The following R3HCC1L variants were observed in gnomAD, a reference collection of about 807,000 sequenced individuals.
R3HCC1L encodes R3H domain and coiled-coil containing 1 like.
Under a neutral mutation model 59.9 loss-of-function variants are expected in R3HCC1L, and 51 were observed. That is an observed-to-expected ratio of 0.85 (90% CI 0.68 to 1.07). The LOEUF (loss-of-function observed/expected upper bound fraction) is 1.07. R3HCC1L is among the 50% of genes least tolerant of loss of function. The pLI is 0.00. For synonymous variants in R3HCC1L, 322 were observed against 315.2 expected, an observed-to-expected ratio of 1.02 and a Z score of -0.23; for missense variants, 965 against 933.0, an observed-to-expected ratio of 1.03 and a Z score of -0.45.
At chr10:98,174,657 G>A in intron 4 of R3HCC1L, 2 of 985,250 alleles carry the variant, frequency 2.0e-6, no homozygotes. Context: ...GTTGGAAGGA[G>A]CAGACAATGA....
At chr10:98,219,819 G>T (rs907405672) in intron 5 of R3HCC1L, among the ~76,000 whole-genome samples, 1 of 152,036 alleles carries the variant, frequency 6.6e-6, no homozygotes, top group Non-Finnish European at 1.5e-5. Flanking sequence ...TAGAATTCTT[G>T]GTCTTTGACT....
At chr10:98,198,400 T>G (rs961669955) in intron 4 of R3HCC1L, among the ~76,000 whole-genome samples, 6 of 152,120 alleles carry the variant, frequency 3.9e-5, no homozygotes, top group Non-Finnish European at 8.8e-5. Context: ...TCTCTTAGTT[T>G]TGCCAGTTTG....
At chr10:98,167,998 G>A (rs1848124521) in intron 4 of R3HCC1L, among the ~76,000 whole-genome samples, 1 of 152,118 alleles carries the variant, frequency 6.6e-6, no homozygotes, top group Non-Finnish European at 1.5e-5. Context: ...ATCCATTTGA[G>A]CTCCTTTATT....
intron 1 of R3HCC1L, among the ~76,000 whole-genome samples, chr10:98,140,069 G>A (rs556691006): frequency 6.6e-6 from 1 of 151,964 alleles, no homozygotes; most frequent in Non-Finnish European, 1.5e-5. Context: ...CAAAAGGTGT[G>A]TAGCACTCCT....
chr10:98,199,761 A>G lies in R3HCC1L; in HGVS notation c.-14-8340A>G, dbSNP rs573374573. Reference sequence around the variant, plus strand: ...AAACGACTTGTTAGGGACAGTATTCAGAAATGAAAACATTTTACTATATGT... The same window carrying G: ...AAACGACTTGTTAGGGACAGTATTCGGAAATGAAAACATTTTACTATATGT... On this transcript the variant is annotated intron_variant, in intron 4 of 9. Coordinates refer to ENST00000298999, the MANE Select transcript of R3HCC1L (RefSeq NM_001351015.2). Among the ~76,000 whole-genome samples, 3 of 152,200 alleles carry G rather than the reference A, an allele frequency of 2.0e-5. No individual in the cohort carries two copies. In the South Asian group the frequency reaches 6.2e-4, roughly 32 times the overall value.
At chr10:98,160,380 A>G (rs1469641684) in intron 2 of R3HCC1L, among the ~76,000 whole-genome samples, 1 of 152,256 alleles carries the variant, frequency 6.6e-6, no homozygotes, top group Non-Finnish European at 1.5e-5. Context: ...TCTCACTGAT[A>G]TTTTAATAAT....
intron 4 of R3HCC1L, among the ~76,000 whole-genome samples, chr10:98,206,166 A>G (rs1852620730): frequency 6.6e-6 from 1 of 152,064 alleles, no homozygotes; most frequent in East Asian, 1.9e-4. Flanking sequence ...ACATTGTATG[A>G]CATATTTTCT....
intron 4 of R3HCC1L, among the ~76,000 whole-genome samples, chr10:98,184,427 A>C (rs1362041375): frequency 2.0e-5 from 3 of 152,130 alleles, no homozygotes; most frequent in Non-Finnish European, 4.4e-5. Context: ...ACAGTTGCCT[A>C]CAGTATTCAG....
intron 4 of R3HCC1L, 36 bp downstream of exon 4, chr10:98,163,433 T>C: frequency 8.5e-7 from 1 of 1,182,412 alleles, no homozygotes; most frequent in Non-Finnish European, 1.1e-6. Context: ...TTTATAGAAA[T>C]ACTGTCTGTT....
intron 4 of R3HCC1L, among the ~76,000 whole-genome samples, chr10:98,183,038 G>A (rs1047644913): frequency 5.9e-5 from 9 of 151,996 alleles, no homozygotes; most frequent in Non-Finnish European, 8.8e-5. Context: ...ACCCTCTGTC[G>A]GCTGCACCCA....
chr10:98,142,705 C>T (rs150240806), intron 1 of R3HCC1L, among the ~76,000 whole-genome samples: 340 of 151,866 alleles, frequency 2.2e-3, no homozygotes, highest in African/African-American at 7.6e-3. Flanking sequence ...GAGGCTGAGG[C>T]GGGCAGATAA....
chr10:98,207,782 A>G (rs936844292), intron 4 of R3HCC1L, among the ~76,000 whole-genome samples: 1 of 152,040 alleles, frequency 6.6e-6, no homozygotes, highest in African/African-American at 2.4e-5. Context: ...AGGTGGGTAG[A>G]TTGCCTTAAG....
At chr10:98,167,010 A>G (rs1466416498) in intron 4 of R3HCC1L, among the ~76,000 whole-genome samples, 1 of 152,044 alleles carries the variant, frequency 6.6e-6, no homozygotes, top group Non-Finnish European at 1.5e-5. Context: ...TCAATACAAT[A>G]TGTGCACTTA....
At position 98,208,335 on chromosome 10, in the gene R3HCC1L, A is replaced by G; in HGVS notation, c.221A>G (p.Asn74Ser). The change falls in exon 5 of 10, where the codon AAT becomes AGT. Residue 74 changes from asparagine (N) to serine (S), a missense_variant. Asn to Ser is a conservative substitution (Grantham distance 46). Coordinates refer to ENST00000298999, the MANE Select transcript of R3HCC1L (RefSeq NM_001351015.2). Reference sequence around the variant, plus strand: ...CCGGAGGCTCGAAGACTAAATATCAATCCTGATAGAAAGGAGCATAATTGT... The same window carrying G: ...CCGGAGGCTCGAAGACTAAATATCAGTCCTGATAGAAAGGAGCATAATTGT... Reference protein sequence around the residue: ...DKPEARRLNINPDRKEHNCRE... With the variant: ...DKPEARRLNISPDRKEHNCRE... 1.9e-6 allele frequency: 3 copies of G among 1,614,182 alleles called. No individual in the cohort carries two copies. The highest frequency in any genetic ancestry group is 1.7e-6 in the Non-Finnish European group (2 of 1,180,016).
chr10:98,179,076 C>G (rs902923133), intron 4 of R3HCC1L, among the ~76,000 whole-genome samples: 1 of 152,164 alleles, frequency 6.6e-6, no homozygotes, highest in East Asian at 1.9e-4. Flanking sequence ...CCTAATTGCC[C>G]TGGCCAGAAC....
At chr10:98,179,227 G>A (rs1245913972) in intron 4 of R3HCC1L, among the ~76,000 whole-genome samples, 1 of 152,158 alleles carries the variant, frequency 6.6e-6, no homozygotes, top group African/African-American at 2.4e-5. Context: ...ATTATTTTGA[G>A]ATACATTCCA....
At chr10:98,211,688 A>G (rs1277089905) in intron 5 of R3HCC1L, among the ~76,000 whole-genome samples, 4 of 152,058 alleles carry the variant, frequency 2.6e-5, no homozygotes, top group African/African-American at 9.7e-5. Context: ...CTCAGTAAAT[A>G]TTTATCCAAT....
intron 5 of R3HCC1L, among the ~76,000 whole-genome samples, chr10:98,216,754 A>AT (rs1238785941): frequency 3.8e-4 from 58 of 151,992 alleles, no homozygotes; most frequent in Middle Eastern, 6.8e-3. Context: ...TAAAAAATTT[A>AT]TTTTTTGTAG....
chr10:98,229,690 C>G (rs1856124205), intron 5 of R3HCC1L, among the ~76,000 whole-genome samples: 1 of 152,130 alleles, frequency 6.6e-6, no homozygotes, highest in African/African-American at 2.4e-5. Flanking sequence ...CAGTTTTTGC[C>G]CATTCAGTAT....
Sources: allele counts gnomAD v4.1 joint callset (sites outside exome capture counted in the v4.1 genomes callset), GRCh38; gene constraint gnomAD v4.1.1; transcripts MANE v1.5; gene names NCBI Gene and HGNC (gene_info 2026-07-23, HGNC 2026-07-21).